SPON1: variants seen among roughly 807,000 people sequenced by gnomAD.
SPON1 encodes spondin-1.
A neutral mutation model predicts 111.7 loss-of-function variants in SPON1; 52 were observed. The observed-to-expected ratio is 0.47, with a 90% CI of 0.37 to 0.59. The LOEUF is 0.59. SPON1 is among the 20% of genes least tolerant of loss of function. The probability of loss-of-function intolerance (pLI) is 0.00; values close to 1 mark genes in which losing one functional copy is unlikely to be tolerated. For synonymous variants in SPON1, 410 were observed against 395.8 expected (o/e 1.04, Z -0.43); for missense variants, 957 against 1,068.5 (o/e 0.90, Z 1.46).
intron 7 of SPON1, among the ~76,000 whole-genome samples, chr11:14,245,492 T>A (rs1848979310): frequency 1.3e-5 from 2 of 152,014 alleles, no homozygotes; most frequent in African/African-American, 2.4e-5. Flanking sequence ...TCCAAGGGGA[T>A]AAATGTTAGG....
chr11:14,039,478 A>C (rs1848617697), intron 2 of SPON1, among the ~76,000 whole-genome samples: 1 of 152,130 alleles, frequency 6.6e-6, no homozygotes, highest in Non-Finnish European at 1.5e-5. Flanking sequence ...ATAACCCTGT[A>C]CTTTCCACTC....
At chr11:14,072,850 G>A (rs1848887611) in intron 3 of SPON1, among the ~76,000 whole-genome samples, 1 of 152,026 alleles carries the variant, frequency 6.6e-6, no homozygotes, top group Non-Finnish European at 1.5e-5. Flanking sequence ...AGTCCTCTGG[G>A]CACACTCTTC....
At chr11:14,164,896 A>G (rs1037788853) in intron 6 of SPON1, among the ~76,000 whole-genome samples, 17 of 152,102 alleles carry the variant, frequency 1.1e-4, no homozygotes, top group African/African-American at 4.1e-4. Flanking sequence ...CACAAGATCA[A>G]TGAGCCAGTT....
chr11:14,090,892 G>T (rs1375141054), intron 5 of SPON1, among the ~76,000 whole-genome samples: 17 of 138,192 alleles, frequency 1.2e-4, no homozygotes, highest in African/African-American at 4.7e-4. Context: ...TTTTGTCAGG[G>T]CGCTGATTGG....
At position 14,058,167 on chromosome 11, in the gene SPON1, C is replaced by T. The variant is rs561099289; in HGVS notation, c.479+16513C>T. On this transcript the variant is annotated intron_variant, in intron 3 of 15. Coordinates refer to ENST00000576479, the MANE Select transcript of SPON1 (RefSeq NM_006108.4). The stretch of plus-strand genomic sequence containing the variant: ...GGGCCAAGATTTTGATGAGAAGACA[C>T]TGGGTTCAATCAGGAAGGCAGGCAA... Among the ~76,000 whole-genome samples, 3 of 152,132 alleles carry T rather than the reference C, an allele frequency of 2.0e-5. No individual in the cohort carries two copies. The South Asian group carries it at 6.2e-4, about 32-fold the overall frequency.
chr11:14,230,609 G>A (rs1010120694), intron 6 of SPON1, among the ~76,000 whole-genome samples: 1 of 152,126 alleles, frequency 6.6e-6, no homozygotes, highest in East Asian at 1.9e-4. Context: ...AGCCCATTGG[G>A]TCTAGAGGTC....
chr11:14,178,408 C>T (rs1337197719), intron 6 of SPON1, among the ~76,000 whole-genome samples: 1 of 138,038 alleles, frequency 7.2e-6, no homozygotes, highest in African/African-American at 2.7e-5. Flanking sequence ...GGGAACAAAG[C>T]GAGACTCCGT....
intron 3 of SPON1, among the ~76,000 whole-genome samples, chr11:14,070,603 T>A (rs906771457): frequency 1.3e-5 from 2 of 152,216 alleles, no homozygotes; most frequent in Non-Finnish European, 2.9e-5. Flanking sequence ...ATTGTCTCTA[T>A]ATGGCTGTGA....
chr11:14,198,868 A>T (rs1554935324), intron 6 of SPON1, among the ~76,000 whole-genome samples: 1 of 152,242 alleles, frequency 6.6e-6, no homozygotes, highest in Non-Finnish European at 1.5e-5. Flanking sequence ...TTAAGCTTAG[A>T]AAAGGTGCTT....
intron 2 of SPON1, among the ~76,000 whole-genome samples, chr11:14,022,197 G>T (rs1848485776): frequency 6.6e-6 from 1 of 152,156 alleles, no homozygotes; most frequent in South Asian, 2.1e-4. Flanking sequence ...AAAGACATTT[G>T]GTTATTTTTA....
chr11:14,068,398 G>A (rs782661138), intron 3 of SPON1, among the ~76,000 whole-genome samples: 3 of 152,198 alleles, frequency 2.0e-5, no homozygotes, highest in Non-Finnish European at 4.4e-5. Flanking sequence ...GACCACACAA[G>A]TTTGGGAATG....
At chr11:14,048,298 T>C (rs1554918063) in intron 3 of SPON1, among the ~76,000 whole-genome samples, 2 of 152,110 alleles carry the variant, frequency 1.3e-5, no homozygotes, top group Non-Finnish European at 2.9e-5. Context: ...TCAGGACAGA[T>C]AAAGAGGGGG....
chr11:14,220,434 A>T (rs1554937497), intron 6 of SPON1, among the ~76,000 whole-genome samples: 1 of 152,120 alleles, frequency 6.6e-6, no homozygotes. Flanking sequence ...AGCCTTTTTT[A>T]AAAAAATTCT....
chr11:14,034,209 A>G (rs1848578428), intron 2 of SPON1, among the ~76,000 whole-genome samples: 1 of 152,220 alleles, frequency 6.6e-6, no homozygotes, highest in Non-Finnish European at 1.5e-5. Flanking sequence ...AAAATTTAGA[A>G]AACACAAAAA....
chr11:14,059,378 G>A (rs2697823), intron 3 of SPON1, among the ~76,000 whole-genome samples: 27,536 of 152,168 alleles, frequency 0.18, 2,618 homozygotes, highest in Middle Eastern at 0.3. Context: ...AAGTCAAAAT[G>A]TAAAAGGTGA....
In SPON1 at chr11:14,135,661, C is replaced by T; in HGVS notation, c.825+93C>T. 2 of 1,288,496 alleles carry T rather than the reference C, an allele frequency of 1.6e-6. No homozygotes were observed. Among genetic ancestry groups the T allele is most frequent in the Admixed American group, 2.1e-5 (1 of 48,314 alleles). The allele number at this position is 1,288,496 out of a possible 1,614,324, so 79.8% of individuals were successfully genotyped here. A position where few individuals can be genotyped will look rare whatever the true frequency, so the allele number is the denominator to read the frequency against. On this transcript the variant is annotated intron_variant, in intron 6 of 15. Transcript: ENST00000576479. This position sits in a 1 kb window ranked among gnomAD's most constrained non-coding sequence, Gnocchi z 4.4. ...TCCCAGGGGCTTGAAATTTGCAGTACAATGTGGTGGAAGAAAATCTATTTG... is the reference window on the plus strand; with the variant it reads ...TCCCAGGGGCTTGAAATTTGCAGTATAATGTGGTGGAAGAAAATCTATTTG...
In SPON1 at chr11:14,129,174, G is replaced by GT. The variant is rs112336984; in HGVS notation, c.677-6236dup. On this transcript the variant is annotated intron_variant, in intron 5 of 15. Coordinates refer to ENST00000576479, the MANE Select transcript of SPON1 (RefSeq NM_006108.4). Reference sequence around the variant, plus strand: ...TCTCTTGAATTTCTCCCCAGAAAATGTTTTTTTTTTCTTACCACATAGGCT... The same window carrying GT: ...TCTCTTGAATTTCTCCCCAGAAAATGTTTTTTTTTTTCTTACCACATAGGCT... Among the ~76,000 whole-genome samples, 764 of 149,744 alleles carry GT rather than the reference G, an allele frequency of 5.1e-3. 10 individuals are homozygous for GT. The highest frequency in any genetic ancestry group is 0.016 in the African/African-American group (668 of 40,878).
intron 6 of SPON1, among the ~76,000 whole-genome samples, chr11:14,175,248 G>A (rs538795892): frequency 6.6e-6 from 1 of 152,260 alleles, no homozygotes; most frequent in East Asian, 1.9e-4. Flanking sequence ...GGCTTTAACT[G>A]CTCACAAAAA....
chr11:14,131,753 G>T (rs1847532353), intron 5 of SPON1, among the ~76,000 whole-genome samples: 1 of 152,134 alleles, frequency 6.6e-6, no homozygotes, highest in African/African-American at 2.4e-5. Context: ...TATAAATGGG[G>T]CCTGGAGCCA....
Sources: gnomAD v4.1 joint callset for allele counts (sites outside exome capture counted in the v4.1 genomes callset) on GRCh38, gnomAD v4.1.1 for gene constraint, Gnocchi (gnomAD v3.1) non-coding constraint, MANE v1.5 for transcripts, NCBI Gene and HGNC (gene_info 2026-07-23, HGNC 2026-07-21) for gene names.